ATP8A2: variants seen among roughly 807,000 people sequenced by gnomAD.
The protein encoded by ATP8A2 is phospholipid-transporting ATPase IB.
A neutral mutation model predicts 165.6 loss-of-function variants in ATP8A2; 100 were observed. The ratio of observed to expected loss-of-function variants is 0.60; its 90% confidence interval spans 0.51 to 0.71. The LOEUF is 0.71. Among genes scored for constraint, ATP8A2 ranks in the 30% least tolerant of loss-of-function variants. The probability of loss-of-function intolerance (pLI) is 0.00; values close to 1 mark genes in which losing one functional copy is unlikely to be tolerated. For missense variants in ATP8A2, 1,227 were observed against 1,479.5 expected (o/e 0.83, Z 2.80); for synonymous variants, 543 against 548.8 (o/e 0.99, Z 0.15).
At chr13:25,912,118 G>A (rs1245551206) in intron 33 of ATP8A2, among the ~76,000 whole-genome samples, 1 of 150,926 alleles carries the variant, frequency 6.6e-6, no homozygotes, top group Non-Finnish European at 1.5e-5. Context: ...ATCAACCTAA[G>A]TGTCAATCAA....
chr13:25,897,869 G>A (rs997029134), intron 33 of ATP8A2, among the ~76,000 whole-genome samples: 6 of 152,096 alleles, frequency 3.9e-5, no homozygotes, highest in Middle Eastern at 3.2e-3. Context: ...TTCTTGTGCC[G>A]TGGTTTTCAG....
At chr13:25,723,045 G>T (rs1211258270) in intron 25 of ATP8A2, among the ~76,000 whole-genome samples, 1 of 152,180 alleles carries the variant, frequency 6.6e-6, no homozygotes, top group Non-Finnish European at 1.5e-5. Flanking sequence ...AAGTTCCATT[G>T]TATGAATTTT....
chr13:25,997,535 C>T (rs888772949), intron 35 of ATP8A2, among the ~76,000 whole-genome samples: 1 of 152,170 alleles, frequency 6.6e-6, no homozygotes, highest in Non-Finnish European at 1.5e-5. Context: ...CGTATTTCTC[C>T]TCTTTTTCTG....
intron 24 of ATP8A2, among the ~76,000 whole-genome samples, chr13:25,653,316 C>G (rs1744358582): frequency 1.3e-5 from 2 of 152,110 alleles, no homozygotes; most frequent in Non-Finnish European, 2.9e-5. Context: ...ATGGGTGGAG[C>G]TGGAGTTATT....
At chr13:25,539,271 A>G (rs925496661) in intron 7 of ATP8A2, among the ~76,000 whole-genome samples, 1 of 151,902 alleles carries the variant, frequency 6.6e-6, no homozygotes, top group Non-Finnish European at 1.5e-5. Context: ...TAATTTTTAA[A>G]AATTTTTTTG....
At chr13:25,915,549 C>G (rs1215964093) in intron 33 of ATP8A2, among the ~76,000 whole-genome samples, 1 of 152,190 alleles carries the variant, frequency 6.6e-6, no homozygotes, top group Non-Finnish European at 1.5e-5. Flanking sequence ...GAAACATGGC[C>G]AATTTTGGAA....
intron 25 of ATP8A2, among the ~76,000 whole-genome samples, chr13:25,759,204 G>C (rs2044328299): frequency 6.6e-6 from 1 of 152,196 alleles, no homozygotes; most frequent in Non-Finnish European, 1.5e-5. Context: ...TATTTCCAGA[G>C]TGCAGGAAGT....
intron 33 of ATP8A2, among the ~76,000 whole-genome samples, chr13:25,954,486 C>T (rs1165938856): frequency 6.6e-6 from 1 of 152,224 alleles, no homozygotes; most frequent in East Asian, 1.9e-4. Flanking sequence ...GCGGACCTCC[C>T]AGCAGAGCAC....
intron 1 of ATP8A2, among the ~76,000 whole-genome samples, chr13:25,450,381 A>C (rs988379216): frequency 1.2e-4 from 18 of 152,130 alleles, no homozygotes; most frequent in African/African-American, 4.3e-4. Context: ...CTGTCTTTAG[A>C]TCTTTGAGGA....
At chr13:25,648,942 C>A (rs1309035213) in intron 24 of ATP8A2, 2 of 453,124 alleles carry the variant, frequency 4.4e-6, no homozygotes, top group South Asian at 1.6e-5. Flanking sequence ...TGTATTCTTG[C>A]AGTTCATGGA....
At chr13:25,863,551 C>T (rs763089983) in intron 33 of ATP8A2, 1 of 152,018 alleles carries the variant, frequency 6.6e-6, no homozygotes, top group African/African-American at 2.4e-5. Flanking sequence ...GGTGTTCCTG[C>T]CCCAGGATAC....
intron 35 of ATP8A2, among the ~76,000 whole-genome samples, chr13:25,979,540 C>T (rs1007949829): frequency 6.6e-6 from 1 of 152,158 alleles, no homozygotes; most frequent in Non-Finnish European, 1.5e-5. Flanking sequence ...GCTCAAGGCC[C>T]CTTAGGTGGT....
chr13:25,954,066 G>GA (rs1955454745), intron 33 of ATP8A2, among the ~76,000 whole-genome samples: 1 of 152,158 alleles, frequency 6.6e-6, no homozygotes, highest in Non-Finnish European at 1.5e-5. Flanking sequence ...TAGCTCAGTG[G>GA]ATCCCACCCC....
intron 1 of ATP8A2, among the ~76,000 whole-genome samples, chr13:25,439,297 A>G (rs540563881): frequency 5.4e-4 from 82 of 152,294 alleles, no homozygotes; most frequent in African/African-American, 2.0e-3. Flanking sequence ...GGCACCTGAA[A>G]TCTTCCCGGG....
At chr13:25,848,686 G>C (rs571155850) in intron 30 of ATP8A2, among the ~76,000 whole-genome samples, 3 of 152,136 alleles carry the variant, frequency 2.0e-5, no homozygotes, top group South Asian at 4.1e-4. Flanking sequence ...ACCCGGCAGC[G>C]CTGGTTGTGA....
intron 25 of ATP8A2, among the ~76,000 whole-genome samples, chr13:25,721,054 C>T (rs1593247696): frequency 6.6e-6 from 1 of 150,652 alleles, no homozygotes; most frequent in African/African-American, 2.5e-5. Context: ...CTCCTAGGCT[C>T]AAGTGATCCT....
rs199692798 is a variant in ATP8A2 at position 25,837,179 on chromosome 13, C to T, written c.2771C>T (p.Pro924Leu). 1.4e-5 allele frequency: 23 copies of T among 1,613,620 alleles called. No homozygotes were observed. The highest frequency in any genetic ancestry group is 1.9e-5 in the Non-Finnish European group (22 of 1,179,884). ...TCCCTGCAGATTTTCACCGCTTTGC[C>T]GCCCTTCACTCTGGGAATCTTTGAG... ...GLYNVIFTAL[P>L]PFTLGIFERS... Residue 924 changes from proline to leucine, a missense_variant, in exon 29 of 37, where the codon CCG (proline) becomes CTG (leucine). Physicochemically the swap from Pro to Leu is moderately conservative, Grantham distance 98 (BLOSUM62 -3). Transcript: ENST00000381655.
intron 27 of ATP8A2, among the ~76,000 whole-genome samples, chr13:25,796,507 A>C (rs1950501197): frequency 6.6e-6 from 1 of 152,188 alleles, no homozygotes; most frequent in Non-Finnish European, 1.5e-5. Flanking sequence ...TAATGAAGGA[A>C]TGTCCAAGCT....
chr13:25,848,171 A>T (rs1951916294), intron 30 of ATP8A2, among the ~76,000 whole-genome samples: 2 of 152,246 alleles, frequency 1.3e-5, no homozygotes, highest in South Asian at 4.1e-4. Flanking sequence ...ATCTGTGAGT[A>T]CGAACTTCTG....
Sources: allele counts gnomAD v4.1 joint callset (sites outside exome capture counted in the v4.1 genomes callset), GRCh38; gene constraint gnomAD v4.1.1; transcripts MANE v1.5; gene names NCBI Gene and HGNC (gene_info 2026-07-23, HGNC 2026-07-21).